The following CEP85L variants were observed in gnomAD, a reference collection of about 807,000 sequenced individuals.
CEP85L encodes the protein centrosomal protein of 85 kDa-like.
CEP85L carries 60 observed loss-of-function variants against 100.3 expected under a neutral mutation model. The ratio of observed to expected loss-of-function variants is 0.60; its 90% confidence interval spans 0.49 to 0.74. CEP85L has a LOEUF of 0.74. Ranked by LOEUF, CEP85L falls within the 30% of genes least tolerant of loss-of-function variation. The pLI is 0.00. For missense variants in CEP85L, 973 were observed against 936.2 expected (o/e 1.04, Z -0.51); for synonymous variants, 319 against 322.7 (o/e 0.99, Z 0.12).
At chr6:118,661,760 T>C (rs1775980502) in intron 1 of CEP85L, among the ~76,000 whole-genome samples, 1 of 152,172 alleles carries the variant, frequency 6.6e-6, no homozygotes, top group African/African-American at 2.4e-5. Context: ...TATTTTGATA[T>C]AGAATATTCA....
At chr6:118,557,965 C>CT (rs112347844) in intron 3 of CEP85L, among the ~76,000 whole-genome samples, 2,241 of 140,870 alleles carry the variant, frequency 0.016, 41 homozygotes, top group African/African-American at 0.047. Flanking sequence ...TCTTTGTTGG[C>CT]TTTTTTTTTT....
At chr6:118,501,500 G>C (rs17080257) in intron 5 of CEP85L, 2 of 459,524 alleles carry the variant, frequency 4.4e-6, no homozygotes, top group Non-Finnish European at 8.4e-6. Context: ...TGATTTTATT[G>C]CTCCTGGCTA....
intron 2 of CEP85L, among the ~76,000 whole-genome samples, chr6:118,597,389 G>A (rs1294912181): frequency 6.6e-6 from 1 of 152,134 alleles, no homozygotes; most frequent in African/African-American, 2.4e-5. Context: ...ATCACTCACT[G>A]TTTCATACAT....
At chr6:118,601,410 G>A (rs975930190) in intron 2 of CEP85L, among the ~76,000 whole-genome samples, 2 of 152,148 alleles carry the variant, frequency 1.3e-5, no homozygotes, top group African/African-American at 2.4e-5. Context: ...CTAAACTGTC[G>A]CTTCACTGTG....
chr6:118,680,407 A>G (rs1776620018), intron 1 of CEP85L, among the ~76,000 whole-genome samples: 1 of 116,804 alleles, frequency 8.6e-6, no homozygotes, highest in African/African-American at 3.7e-5. Context: ...TTCAAAAATA[A>G]TCCCTCAAAA....
intron 3 of CEP85L, among the ~76,000 whole-genome samples, chr6:118,546,322 T>C (rs941053584): frequency 2.0e-5 from 3 of 152,176 alleles, no homozygotes; most frequent in African/African-American, 4.8e-5. Flanking sequence ...TGCCTATGTA[T>C]ACTTTTTAAG....
chr6:118,685,907 A>G (rs567373337), intron 1 of CEP85L, among the ~76,000 whole-genome samples: 30 of 152,364 alleles, frequency 2.0e-4, no homozygotes, highest in South Asian at 1.2e-3. Flanking sequence ...AAGATGATAA[A>G]AACATTGCTT....
At chr6:118,494,186 G>A (rs1325052415) in intron 5 of CEP85L, among the ~76,000 whole-genome samples, 1 of 152,148 alleles carries the variant, frequency 6.6e-6, no homozygotes, top group Non-Finnish European at 1.5e-5. Context: ...GAGACTTGGA[G>A]TAGATAAATC....
chr6:118,507,441 T>A (rs1338272803), intron 5 of CEP85L, among the ~76,000 whole-genome samples: 1 of 152,170 alleles, frequency 6.6e-6, no homozygotes, highest in African/African-American at 2.4e-5. Flanking sequence ...CCAATCTCTA[T>A]TATGCCATCA....
chr6:118,512,680 G>T (rs902410866), intron 4 of CEP85L, among the ~76,000 whole-genome samples: 37 of 151,946 alleles, frequency 2.4e-4, no homozygotes, highest in African/African-American at 8.7e-4. Context: ...AGAAACCCAG[G>T]GTTTGTAAGA....
At chr6:118,645,666 T>C (rs1310088731) in intron 1 of CEP85L, among the ~76,000 whole-genome samples, 3 of 152,296 alleles carry the variant, frequency 2.0e-5, no homozygotes, top group Middle Eastern at 6.8e-3. Context: ...AGTGAGACAC[T>C]GTCTCAAAAA....
In CEP85L at chr6:118,465,215, T is replaced by C. The variant is rs989835821; in HGVS notation, c.*190A>G. The C allele has an allele frequency of 3.3e-5, 16 of 481,802 alleles. No homozygotes were observed. The highest frequency in any genetic ancestry group is 3.0e-4 in the African/African-American group (15 of 49,972). The allele number at this position is 481,802 out of a possible 1,614,324, so 29.8% of individuals were successfully genotyped here. ...CATATTTTCCAAAGGTAATTTGATT[T>C]TTTTTCTTTTTGCCTGATTAGATAA... On this transcript the variant is annotated 3_prime_UTR_variant, in exon 13 of 13. Coordinates refer to ENST00000368491, the MANE Select transcript of CEP85L (RefSeq NM_001042475.3).
At chr6:118,647,455 G>T (rs1775277534) in intron 1 of CEP85L, among the ~76,000 whole-genome samples, 1 of 152,162 alleles carries the variant, frequency 6.6e-6, no homozygotes, top group Admixed American at 6.5e-5. Context: ...CAGCCTCCCG[G>T]GTTCAGGCAA....
At chr6:118,638,896 A>T (rs2115344613) in intron 1 of CEP85L, among the ~76,000 whole-genome samples, 1 of 152,300 alleles carries the variant, frequency 6.6e-6, no homozygotes, top group South Asian at 2.1e-4. Flanking sequence ...AGTATCAAGT[A>T]TTCCACAGCA....
intron 3 of CEP85L, among the ~76,000 whole-genome samples, chr6:118,548,679 G>A (rs1050493075): frequency 2.0e-5 from 3 of 151,992 alleles, no homozygotes; most frequent in Admixed American, 6.6e-5. Flanking sequence ...TTTCAAATGT[G>A]AATTTCTGCC....
At chr6:118,527,729 G>A (rs1430905056) in intron 3 of CEP85L, among the ~76,000 whole-genome samples, 1 of 152,060 alleles carries the variant, frequency 6.6e-6, no homozygotes, top group South Asian at 2.1e-4. Context: ...TGCTTAAAAT[G>A]ATGTGGTGAA....
chr6:118,607,057 C>G (rs534292571), intron 2 of CEP85L, among the ~76,000 whole-genome samples: 1 of 152,106 alleles, frequency 6.6e-6, no homozygotes, highest in South Asian at 2.1e-4. Context: ...GGCCAAGCTG[C>G]ATCATAAAGG....
At chr6:118,567,070 C>G (rs1287822087) in intron 2 of CEP85L, among the ~76,000 whole-genome samples, 2 of 151,640 alleles carry the variant, frequency 1.3e-5, no homozygotes, top group African/African-American at 2.4e-5. Context: ...ATTTTAGAAC[C>G]TCCCCAAACT....
chr6:118,518,154 G>A (rs1046199910), intron 4 of CEP85L, among the ~76,000 whole-genome samples: 8 of 152,052 alleles, frequency 5.3e-5, no homozygotes, highest in African/African-American at 1.9e-4. Flanking sequence ...GAGGATTTTT[G>A]CATCGATGTT....
Sources: allele counts gnomAD v4.1 joint callset (sites outside exome capture counted in the v4.1 genomes callset), GRCh38; gene constraint gnomAD v4.1.1; transcripts MANE v1.5; gene names NCBI Gene and HGNC (gene_info 2026-07-23, HGNC 2026-07-21).